Variants in SCAF11 observed in about 807,000 individuals in gnomAD.
The protein encoded by SCAF11 is protein SCAF11.
SCAF11 carries 47 observed loss-of-function variants against 140.5 expected under a neutral mutation model. The ratio of observed to expected loss-of-function variants is 0.33; its 90% CI spans 0.26 to 0.43. The LOEUF (loss-of-function observed/expected upper bound fraction) is 0.43. Among genes scored for constraint, SCAF11 ranks in the 20% least tolerant of loss-of-function variants. The pLI, the probability that SCAF11 is intolerant of heterozygous loss-of-function variation, is 1.00. For synonymous variants in SCAF11, 557 were observed against 579.4 expected (o/e 0.96, Z 0.55); for missense variants, 1,645 against 1,705.1 (o/e 0.96, Z 0.62).
intron 13 of SCAF11, 91 bp downstream of exon 13, chr12:45,922,845 T>A: frequency 2.5e-6 from 3 of 1,200,218 alleles, no homozygotes; most frequent in Admixed American, 1.8e-5. Flanking sequence ...CAATAAGAAA[T>A]TCCCTTCACC....
At chr12:45,944,741 G>A (rs1945378582) in intron 6 of SCAF11, among the ~76,000 whole-genome samples, 5 of 152,192 alleles carry the variant, frequency 3.3e-5, no homozygotes, top group Admixed American at 3.3e-4. Context: ...AAAAACAGAA[G>A]ACAGGAATAT....
Position 45,964,985 on chromosome 12 carries a change from T to A in SCAF11, c.-21-797A>T, listed in dbSNP as rs1227758293. On this transcript the variant is annotated intron_variant, in intron 1 of 14. Coordinates refer to ENST00000369367, the MANE Select transcript of SCAF11 (RefSeq NM_004719.3). ...AGTTGTGTGTGTGTATGTGTGTGTC[T>A]CTACTGAGGAGGGGGTTGGCATGTA... is the stretch of plus-strand genomic sequence containing the variant. Among the ~76,000 whole-genome samples the A allele has an allele frequency of 3.9e-5, 6 of 152,082 alleles. No homozygotes were observed. The East Asian group carries it at 1.2e-3, about 29-fold the overall frequency.
At chr12:45,969,973 C>T (rs527361834) in intron 1 of SCAF11, among the ~76,000 whole-genome samples, 6 of 152,174 alleles carry the variant, frequency 3.9e-5, no homozygotes, top group Non-Finnish European at 7.3e-5. Flanking sequence ...CTCAGCTCAC[C>T]GCAACCTCCG....
upstream of SCAF11, among the ~76,000 whole-genome samples, chr12:45,991,655 G>A (rs913680797): frequency 1.3e-5 from 2 of 152,142 alleles, no homozygotes; most frequent in African/African-American, 4.8e-5. Context: ...TTTTTCCCCC[G>A]GCGGGTTGTT....
At chr12:45,933,834 T>C (rs148074494) in intron 8 of SCAF11, among the ~76,000 whole-genome samples, 2 of 152,258 alleles carry the variant, frequency 1.3e-5, no homozygotes, top group East Asian at 3.9e-4. Context: ...CAAAGATGAA[T>C]GGATCAGCTG....
At chr12:45,953,158 T>G (rs1378692411) in intron 3 of SCAF11, among the ~76,000 whole-genome samples, 1 of 152,230 alleles carries the variant, frequency 6.6e-6, no homozygotes, top group African/African-American at 2.4e-5. Flanking sequence ...TTCAGCCTAC[T>G]TTTAAGTACT....
chr12:45,959,397 A>G (rs1047004773), intron 3 of SCAF11, among the ~76,000 whole-genome samples: 1 of 152,242 alleles, frequency 6.6e-6, no homozygotes, highest in Non-Finnish European at 1.5e-5. Flanking sequence ...CTTGTCTTGT[A>G]TAGCAAATAA....
At chr12:45,974,170 C>T (rs74081611) in intron 1 of SCAF11, 1 of 470,722 alleles carries the variant, frequency 2.1e-6, no homozygotes, top group South Asian at 1.5e-5. Context: ...AAAAACTGTA[C>T]ATACTTGATT....
intron 10 of SCAF11, among the ~76,000 whole-genome samples, chr12:45,930,659 G>C (rs919472916): frequency 2.0e-5 from 3 of 151,964 alleles, no homozygotes; most frequent in African/African-American, 7.3e-5. Flanking sequence ...ATTTAATACT[G>C]TATCTTTACA....
At chr12:45,933,895 C>T (rs1181451814) in intron 8 of SCAF11, among the ~76,000 whole-genome samples, 2 of 152,118 alleles carry the variant, frequency 1.3e-5, no homozygotes, top group African/African-American at 2.4e-5. Flanking sequence ...AAATAAGCTA[C>T]TTCTCAATCA....
chr12:45,931,459 CTAATAA>C (rs762258577), intron 10 of SCAF11, 41 bp downstream of exon 10: 2 of 997,592 alleles, frequency 2.0e-6, no homozygotes, highest in African/African-American at 3.4e-5. Context: ...CTGGAAGAAA[CTAATAA>C]TAATAATTTT....
At chr12:45,987,594 C>A (rs1946486565) in intron 1 of SCAF11, among the ~76,000 whole-genome samples, 1 of 151,994 alleles carries the variant, frequency 6.6e-6, no homozygotes, top group Middle Eastern at 3.2e-3. Context: ...TACAAAATAT[C>A]GGGGGAAGGC....
At chr12:45,984,257 G>T (rs1479779710) in intron 1 of SCAF11, among the ~76,000 whole-genome samples, 1 of 152,140 alleles carries the variant, frequency 6.6e-6, no homozygotes, top group Non-Finnish European at 1.5e-5. Context: ...TTATAGATTA[G>T]TTCTGTTGCA....
intron 6 of SCAF11, among the ~76,000 whole-genome samples, chr12:45,941,389 TCA>T (rs892587930): frequency 5.3e-5 from 8 of 152,308 alleles, no homozygotes; most frequent in Admixed American, 2.0e-4. Context: ...ATGCATCACC[TCA>T]CAGTTACCAT....
upstream of SCAF11, chr12:45,991,927 T>C (rs1336213763): frequency 7.8e-7 from 1 of 1,287,900 alleles, no homozygotes; most frequent in Non-Finnish European, 1.0e-6. Context: ...CACGTTTTCC[T>C]GTCGCCTGCC....
intron 1 of SCAF11, among the ~76,000 whole-genome samples, chr12:45,982,137 T>C (rs1470311483): frequency 6.6e-6 from 1 of 152,208 alleles, no homozygotes; most frequent in Non-Finnish European, 1.5e-5. Context: ...TTTGAAACAA[T>C]GAAGCTATTT....
chr12:45,923,106 A>G lies in SCAF11; in HGVS notation c.3955T>C (p.Leu1319=). 1 of 1,614,194 alleles carries G rather than the reference A, an allele frequency of 6.2e-7. No homozygotes were observed. The highest frequency in any genetic ancestry group is 8.5e-7 in the Non-Finnish European group (1 of 1,180,018). ...CCTGGGGCTGCTGTCGGAGCAGGCAAAACTGGTGTACTCATGTTATTACTT... is the reference window on the plus strand; with the variant it reads ...CCTGGGGCTGCTGTCGGAGCAGGCAGAACTGGTGTACTCATGTTATTACTT... The part of the protein sequence containing the change: ...HVSNNMSTPV[L]PAPTAAPGNT... The change falls in exon 13 of 15, where the codon TTG becomes CTG. Residue 1319 remains leucine (L), a synonymous_variant. Transcript: ENST00000369367.
Position 45,961,761 on chromosome 12 carries a change from A to G in SCAF11, c.158T>C (p.Val53Ala). ...ICLNCLLEKE[V>A]GFPESCNHVF... ...ATGATTACAGCTTTCTGGAAAACCA[A>G]CTTCCTTTTCTAATAGACAATTAAG... The change falls in exon 3 of 15, where the codon GTT becomes GCT. Residue 53 changes from valine (V) to alanine (A), a missense_variant. Coordinates refer to ENST00000369367, the MANE Select transcript of SCAF11 (RefSeq NM_004719.3). 1.2e-6 allele frequency: 2 copies of G among 1,613,248 alleles called. No individual in the cohort carries two copies. The highest frequency in any genetic ancestry group is 1.7e-6 in the Non-Finnish European group (2 of 1,179,486).
intron 10 of SCAF11, 156 bp downstream of exon 10, chr12:45,931,350 A>G: frequency 2.4e-6 from 1 of 424,352 alleles, no homozygotes; most frequent in Non-Finnish European, 4.2e-6. Context: ...AAGCAATTCT[A>G]AAGTTAAGTC....
Sources: allele counts gnomAD v4.1 joint callset (sites outside exome capture counted in the v4.1 genomes callset), GRCh38; gene constraint gnomAD v4.1.1; transcripts MANE v1.5; gene names NCBI Gene and HGNC (gene_info 2026-07-23, HGNC 2026-07-21).